Variants in CASK observed in about 807,000 individuals in gnomAD.
CASK encodes calcium/calmodulin dependent serine protein kinase, also known as peripheral plasma membrane protein CASK.
In CASK, 4 loss-of-function variants were observed where a neutral mutation model predicts 82.9. That is an observed-to-expected ratio of 0.05 (90% CI 0.02 to 0.11). The LOEUF (loss-of-function observed/expected upper bound fraction) is 0.11. Among genes scored for constraint, CASK ranks in the 10% least tolerant of loss-of-function variants. CASK has a pLI of 1.00. For synonymous variants in CASK, 259 were observed against 253.5 expected, an observed-to-expected ratio of 1.02 and a Z score of -0.20; for missense variants, 358 against 720.9, an observed-to-expected ratio of 0.50 and a Z score of 5.76.
chrX:41,890,908 G>A (rs1026310766), intron 1 of CASK, among the ~76,000 whole-genome samples: 1 of 70,975 alleles, frequency 1.4e-5, no homozygotes, highest in African/African-American at 5.4e-5. Flanking sequence ...TTTTTTTTTT[G>A]AGACAGTCTC....
chrX:41,611,704 C>G (rs1269289154), intron 11 of CASK, among the ~76,000 whole-genome samples: 1 of 87,790 alleles, frequency 1.1e-5, no homozygotes, highest in African/African-American at 4.2e-5. Context: ...CCTCTCCCCA[C>G]GGTCTCCCTC....
intron 22 of CASK, among the ~76,000 whole-genome samples, chrX:41,538,638 A>C (rs185546696): frequency 9.7e-4 from 109 of 112,312 alleles, no homozygotes; most frequent in African/African-American, 3.4e-3. Context: ...TAGTTTGCTC[A>C]TATTACCCTG....
rs766777469 is a variant in CASK at position 41,656,617 on chromosome X, C to T, written c.831+3822G>A. Among the ~76,000 whole-genome samples, 59 of 110,719 alleles carry T rather than the reference C, an allele frequency of 5.3e-4. 1 individual carries two copies. Among genetic ancestry groups the T allele is most frequent in the Admixed American group, 4.2e-3 (44 of 10,415 alleles). On this transcript the variant is annotated intron_variant, in intron 8 of 26. Transcript: ENST00000378163. ...TGTCTAAAACAGGGGGAGATGAAAGCAGGAAGGGCTGGCTTACTTGCCTTT... is the reference window on the plus strand; with the variant it reads ...TGTCTAAAACAGGGGGAGATGAAAGTAGGAAGGGCTGGCTTACTTGCCTTT...
chrX:41,815,544 C>G (rs779435802), intron 2 of CASK, among the ~76,000 whole-genome samples: 1 of 111,016 alleles, frequency 9.0e-6, no homozygotes, highest in African/African-American at 3.3e-5. Flanking sequence ...TATATTATCT[C>G]AAATGAAAAA....
chrX:41,550,240 T>C (rs190586767), intron 21 of CASK, among the ~76,000 whole-genome samples: 239 of 112,104 alleles, frequency 2.1e-3, no homozygotes, highest in Non-Finnish European at 8.1e-4. Context: ...CACCCCCATC[T>C]TGCATTTTCC....
intron 8 of CASK, among the ~76,000 whole-genome samples, chrX:41,653,651 G>A (rs1342177779): frequency 8.9e-6 from 1 of 112,351 alleles, no homozygotes; most frequent in African/African-American, 3.2e-5. Flanking sequence ...GGTAGTTGAT[G>A]TGAGGGAAGG....
At chrX:41,787,680 CCT>C (rs1193902268) in intron 2 of CASK, among the ~76,000 whole-genome samples, 1 of 110,378 alleles carries the variant, frequency 9.1e-6, no homozygotes, top group African/African-American at 3.3e-5. Flanking sequence ...TTGATTTTTA[CCT>C]CTTTTTCTTA....
At chrX:41,626,085 T>C (rs1358615271) in intron 10 of CASK, among the ~76,000 whole-genome samples, 1 of 108,682 alleles carries the variant, frequency 9.2e-6, no homozygotes, top group Non-Finnish European at 1.9e-5. Flanking sequence ...ATTACAGGCA[T>C]GAGCCACCAT....
intron 11 of CASK, among the ~76,000 whole-genome samples, chrX:41,616,659 A>G (rs2066206370): frequency 9.4e-6 from 1 of 106,734 alleles, no homozygotes; most frequent in African/African-American, 3.4e-5. Flanking sequence ...CCAGGCTGGC[A>G]TACAGTGGCA....
chrX:41,605,403 C>T (rs1366321741), intron 12 of CASK, among the ~76,000 whole-genome samples: 1 of 108,259 alleles, frequency 9.2e-6, no homozygotes, highest in Non-Finnish European at 1.9e-5. Context: ...TTGAGACTAG[C>T]CTGGTAGCCT....
chrX:41,813,140 C>A (rs1194339323), intron 2 of CASK, among the ~76,000 whole-genome samples: 1 of 111,453 alleles, frequency 9.0e-6, no homozygotes, highest in African/African-American at 3.3e-5. Context: ...TAGGAAGAAT[C>A]AATATCGTGA....
intron 17 of CASK, among the ~76,000 whole-genome samples, chrX:41,560,720 G>A (rs1447279668): frequency 1.9e-5 from 2 of 106,287 alleles, no homozygotes; most frequent in Non-Finnish European, 3.9e-5. Context: ...GAGAAACCCC[G>A]TCTCTACTAA....
intron 5 of CASK, among the ~76,000 whole-genome samples, chrX:41,691,758 T>C (rs1457523923): frequency 9.7e-6 from 1 of 103,252 alleles, no homozygotes; most frequent in Non-Finnish European, 1.9e-5. Flanking sequence ...GGAGAACTGC[T>C]TGAACTCGGG....
At chrX:41,561,491 G>T in intron 17 of CASK, 68 bp downstream of exon 17, 2 of 733,010 alleles carry the variant, frequency 2.7e-6, no homozygotes, top group Non-Finnish European at 4.2e-6. Context: ...CTCCTTATTT[G>T]TATATTTAAA....
chrX:41,625,806 G>T (rs1379254672), intron 10 of CASK, among the ~76,000 whole-genome samples: 1 of 109,260 alleles, frequency 9.2e-6, no homozygotes, highest in Non-Finnish European at 1.9e-5. Flanking sequence ...TTGAGATGGA[G>T]TCTCGCATTA....
chrX:41,791,905 C>T (rs1414470098), intron 2 of CASK, among the ~76,000 whole-genome samples: 1 of 111,141 alleles, frequency 9.0e-6, no homozygotes, highest in Non-Finnish European at 1.9e-5. Flanking sequence ...AACTATATGC[C>T]TATATTTATT....
intron 2 of CASK, among the ~76,000 whole-genome samples, chrX:41,793,166 GC>G (rs1378539778): frequency 2.7e-4 from 30 of 111,666 alleles, no homozygotes; most frequent in African/African-American, 9.8e-4. Flanking sequence ...ACTTTAAAGT[GC>G]CCCTCTATAA....
Position 41,559,835 on chromosome X carries a change from C to T in CASK, c.1681G>A (p.Gly561Arg). ...GGCACAATCTTGAAGGTAATACTCC[C>T]CCGCATTTCCCTCTGGAGGGGGGGT... is the stretch of plus-strand genomic sequence containing the variant. ...QLQKMLREMR[G>R]SITFKIVPSY... The change falls in exon 18 of 27, where the codon GGG becomes AGG. Residue 561 changes from glycine (G) to arginine (R), a missense_variant. By Grantham distance (125) the Gly-to-Arg change is moderately radical (BLOSUM62 -2). Around this residue, in one of 5 missense-constraint regions of CASK, gnomAD observed 110 missense variants for 218.8 expected, o/e 0.50. Coordinates refer to ENST00000378163, the MANE Select transcript of CASK (RefSeq NM_001367721.1). 1.7e-6 allele frequency: 2 copies of T among 1,207,026 alleles called. No homozygotes were observed. The highest frequency in any genetic ancestry group is 1.1e-6 in the Non-Finnish European group (1 of 891,457).
At chrX:41,719,055 T>C (rs1373460655) in intron 5 of CASK, among the ~76,000 whole-genome samples, 1 of 112,312 alleles carries the variant, frequency 8.9e-6, no homozygotes, top group Non-Finnish European at 1.9e-5. Flanking sequence ...ATAAGGCCAA[T>C]TCCTGGAATT....
Sources: allele counts gnomAD v4.1 joint callset (sites outside exome capture counted in the v4.1 genomes callset), GRCh38; gene constraint gnomAD v4.1.1; regional missense constraint gnomAD v4.1.1; transcripts MANE v1.5; gene names NCBI Gene and HGNC (gene_info 2026-07-23, HGNC 2026-07-21).